Variants in PCGF6 observed in about 807,000 individuals in gnomAD.
The protein encoded by PCGF6 is polycomb group RING finger protein 6.
In PCGF6, 24 loss-of-function variants were observed where a neutral mutation model predicts 45.5. The ratio of observed to expected loss-of-function variants is 0.53; its 90% confidence interval spans 0.38 to 0.74. The LOEUF is 0.74. Among genes scored for constraint, PCGF6 ranks in the 30% least tolerant of loss-of-function variants. The pLI, the probability that PCGF6 is intolerant of heterozygous loss-of-function variation, is 0.00. For synonymous variants in PCGF6, 152 were observed against 162.1 expected (o/e 0.94, Z 0.47); for missense variants, 356 against 443.2 (o/e 0.80, Z 1.77).
intron 9 of PCGF6, 124 bp from the exon 10 acceptor site, chr10:103,304,085 A>G (rs2093128757): frequency 1.4e-6 from 1 of 733,626 alleles, no homozygotes; most frequent in Non-Finnish European, 2.3e-6. Context: ...TTTAATTTAA[A>G]GAAAATAAGT....
At chr10:103,334,011 T>C in intron 6 of PCGF6, 59 bp from the exon 7 acceptor site, 2 of 1,109,862 alleles carry the variant, frequency 1.8e-6, no homozygotes, top group Non-Finnish European at 2.5e-6. Context: ...TGTTTAATCA[T>C]AAAACAACAT....
intron 8 of PCGF6, among the ~76,000 whole-genome samples, chr10:103,320,216 C>A (rs923653992): frequency 2.6e-5 from 4 of 152,048 alleles, no homozygotes; most frequent in African/African-American, 9.7e-5. Flanking sequence ...TAAATTTCAT[C>A]TCATAAAAGC....
Position 103,303,607 on chromosome 10 carries a change from T to C in PCGF6, c.*298A>G. ...TGAACAAAGAAAACTAACCAATTAC[T>C]TCAAAGATGGGAAGCAAAATCAATG... On this transcript the variant is annotated 3_prime_UTR_variant, in exon 10 of 10. Transcript: ENST00000369847. 1 of 237,524 alleles carries C rather than the reference T, an allele frequency of 4.2e-6. No individual in the cohort carries two copies. The allele number at this position is 237,524 out of a possible 1,614,324, so 14.7% of individuals were successfully genotyped here.
chr10:103,339,414 C>T (rs543317626), intron 6 of PCGF6, among the ~76,000 whole-genome samples: 43 of 151,836 alleles, frequency 2.8e-4, no homozygotes, highest in African/African-American at 9.7e-4. Flanking sequence ...AGATAAAGGA[C>T]TGTCTTAGGA....
At chr10:103,331,455 G>A (rs1349272292) in intron 7 of PCGF6, among the ~76,000 whole-genome samples, 1 of 151,836 alleles carries the variant, frequency 6.6e-6, no homozygotes, top group Non-Finnish European at 1.5e-5. Context: ...ATAGAGTTTT[G>A]GCATGTTGGC....
intron 6 of PCGF6, among the ~76,000 whole-genome samples, chr10:103,340,040 G>A (rs1000234389): frequency 1.6e-4 from 23 of 144,848 alleles, no homozygotes; most frequent in Middle Eastern, 3.4e-3. Flanking sequence ...ATTCAGGCAT[G>A]GTGGTATGCG....
intron 3 of PCGF6, among the ~76,000 whole-genome samples, chr10:103,347,837 C>T (rs919992281): frequency 7.9e-5 from 12 of 152,062 alleles, no homozygotes; most frequent in Non-Finnish European, 1.6e-4. Flanking sequence ...ACTAAAGGCG[C>T]GTGACACCAC....
At chr10:103,327,841 ATTTT>A (rs11345505) in intron 7 of PCGF6, among the ~76,000 whole-genome samples, 1 of 137,428 alleles carries the variant, frequency 7.3e-6, no homozygotes, top group African/African-American at 2.7e-5. Flanking sequence ...CGCCCAACTA[ATTTT>A]TTTTTTTTTT....
chr10:103,324,889 C>T (rs2093211754), intron 8 of PCGF6, among the ~76,000 whole-genome samples: 1 of 150,914 alleles, frequency 6.6e-6, no homozygotes. Context: ...AATCCCAGCA[C>T]ATTGGGAGGC....
chr10:103,311,414 T>C (rs546430109), intron 9 of PCGF6, among the ~76,000 whole-genome samples: 151 of 151,968 alleles, frequency 9.9e-4, no homozygotes, highest in South Asian at 5.8e-3. Flanking sequence ...AGTGCTGGGA[T>C]TACAGGTGTG....
chr10:103,316,780 A>G (rs2093177641), intron 8 of PCGF6, among the ~76,000 whole-genome samples: 1 of 152,140 alleles, frequency 6.6e-6, no homozygotes, highest in South Asian at 2.1e-4. Flanking sequence ...CCACTCTGTC[A>G]ATTTAAAAGC....
At chr10:103,346,372 T>C (rs1422678087) in intron 5 of PCGF6, among the ~76,000 whole-genome samples, 3 of 151,954 alleles carry the variant, frequency 2.0e-5, no homozygotes, top group Non-Finnish European at 4.4e-5. Flanking sequence ...AAGCCTGTAA[T>C]CCCAGCACTT....
chr10:103,344,508 TC>T (rs1284038575), intron 6 of PCGF6, among the ~76,000 whole-genome samples: 4 of 151,940 alleles, frequency 2.6e-5, no homozygotes, highest in African/African-American at 9.7e-5. Flanking sequence ...GACCTCGTGA[TC>T]CGCCCACCTC....
intron 6 of PCGF6, among the ~76,000 whole-genome samples, chr10:103,340,180 GAAAAAAA>G (rs58312332): frequency 1.5e-4 from 11 of 72,234 alleles, no homozygotes; most frequent in African/African-American, 6.0e-4. Flanking sequence ...CTGTCTCAGG[GAAAAAAA>G]AAAAAAAAAA....
intron 1 of PCGF6, among the ~76,000 whole-genome samples, chr10:103,349,404 T>A (rs149623159): frequency 2.4e-3 from 360 of 151,042 alleles, no homozygotes; most frequent in African/African-American, 7.7e-3. Flanking sequence ...CATGGAAACA[T>A]ACACCTCCAA....
intron 7 of PCGF6, among the ~76,000 whole-genome samples, chr10:103,331,351 G>A (rs761316215): frequency 6.6e-5 from 10 of 151,910 alleles, no homozygotes; most frequent in Non-Finnish European, 1.2e-4. Context: ...TCTGCCCTCC[G>A]GGTTCAAGTG....
intron 1 of PCGF6, among the ~76,000 whole-genome samples, chr10:103,349,337 C>T (rs1003142403): frequency 4.0e-5 from 6 of 151,798 alleles, no homozygotes; most frequent in South Asian, 2.1e-4. Flanking sequence ...CATGAGCCAC[C>T]GCGCTCAGTC....
Position 103,314,173 on chromosome 10 carries a change from G to A in PCGF6, c.996+13C>T, listed in dbSNP as rs371427587. The A allele has an allele frequency of 1.9e-5, 29 of 1,564,962 alleles. No individual in the cohort carries two copies. Among genetic ancestry groups the A allele is most frequent in the African/African-American group, 2.7e-5 (2 of 73,466 alleles). On this transcript the variant is annotated intron_variant, in intron 9 of 9. Transcript: ENST00000369847. ...TAACTTATCTGTTAGACATGGGTAT[G>A]TCTATAACCTACCTGCATTGCTGCA...
At chr10:103,342,349 T>C (rs2093284013) in intron 6 of PCGF6, among the ~76,000 whole-genome samples, 1 of 151,992 alleles carries the variant, frequency 6.6e-6, no homozygotes, top group Non-Finnish European at 1.5e-5. Context: ...TTCTCCCGCC[T>C]CAGCCTCCTG....
Sources: allele counts gnomAD v4.1 joint callset (sites outside exome capture counted in the v4.1 genomes callset), GRCh38; gene constraint gnomAD v4.1.1; transcripts MANE v1.5; gene names NCBI Gene and HGNC (gene_info 2026-07-23, HGNC 2026-07-21).